CNNM3: variants seen among roughly 807,000 people sequenced by gnomAD.
The protein encoded by CNNM3 is metal transporter CNNM3.
CNNM3 carries 47 observed loss-of-function variants against 57.1 expected under a neutral mutation model. That is an observed-to-expected ratio of 0.82 (90% confidence interval 0.65 to 1.05). CNNM3 has a LOEUF of 1.05. CNNM3 is among the 50% of genes least tolerant of loss of function. CNNM3 has a pLI of 0.00. For missense variants in CNNM3, 957 were observed against 973.7 expected (o/e 0.98, Z 0.23); for synonymous variants, 507 against 478.2 (o/e 1.06, Z -0.79).
intron 2 of CNNM3, 60 bp from the exon 3 acceptor site, chr2:96,826,773 T>C: frequency 6.2e-7 from 1 of 1,600,110 alleles, no homozygotes; most frequent in Admixed American, 1.7e-5. Flanking sequence ...AGCCCCTTAG[T>C]GTGGTCGTGT....
chr2:96,832,622 C>T lies in CNNM3; in HGVS notation c.*6C>T. On this transcript the variant is annotated 3_prime_UTR_variant, in exon 8 of 8. Transcript: ENST00000305510. ...GGCGGAACCCAGGCGTTTAACGGCTCACTAGGCAGCCCCAGATCTGGGGAA... is the reference window on the plus strand; with the variant it reads ...GGCGGAACCCAGGCGTTTAACGGCTTACTAGGCAGCCCCAGATCTGGGGAA... The T allele has an allele frequency of 5.0e-6, 8 of 1,613,302 alleles. No homozygotes were observed. The highest frequency in any genetic ancestry group is 6.8e-6 in the Non-Finnish European group (8 of 1,180,024).
intron 2 of CNNM3, among the ~76,000 whole-genome samples, chr2:96,826,199 CTGT>C (rs1031458237): frequency 1.3e-5 from 2 of 152,034 alleles, no homozygotes; most frequent in South Asian, 2.1e-4. Context: ...GCCAGAGAGG[CTGT>C]TATTATTTTT....
chr2:96,816,517 C>T lies in CNNM3; in HGVS notation c.240C>T (p.Ala80=). ...CCAACAGCTCTTGGTCCTGGGTGGC[C>T]CCGGAGGGGGCGGGCTGCCGGGAGG... is the stretch of plus-strand genomic sequence containing the variant. ...GFANSSWSWV[A]PEGAGCREEA... is the part of the protein sequence containing the mutation. The change falls in exon 1 of 8, where the codon GCC becomes GCT. Residue 80 remains alanine (A), a synonymous_variant. Transcript: ENST00000305510. 1 of 1,394,382 alleles carries T rather than the reference C, an allele frequency of 7.2e-7. No homozygotes were observed. Among genetic ancestry groups the T allele is most frequent in the Non-Finnish European group, 9.3e-7 (1 of 1,072,480 alleles). 86.4% of individuals were successfully genotyped at this position (1,394,382 alleles called of 1,614,324 possible). A position where few individuals can be genotyped will look rare whatever the true frequency, so the allele number is the denominator to read the frequency against.
intron 2 of CNNM3, among the ~76,000 whole-genome samples, chr2:96,826,398 A>G (rs2079505566): frequency 6.6e-6 from 1 of 151,808 alleles, no homozygotes; most frequent in Admixed American, 6.6e-5. Context: ...TTTTTTTGTA[A>G]AGACACGGTC....
In CNNM3 at chr2:96,816,413, G is replaced by T; in HGVS notation, c.136G>T (p.Ala46Ser). The change falls in exon 1 of 8, where the codon GCG becomes TCG. Residue 46 changes from alanine to serine, a missense_variant. Physicochemically the swap from Ala to Ser is moderately conservative, Grantham distance 99 (BLOSUM62 1). Coordinates refer to ENST00000305510, the MANE Select transcript of CNNM3 (RefSeq NM_017623.5). ...CCTGGAGGAGGATGGAGCGGCGGGC[G>T]CGGGTTGGGTACGCGGAGGGGCGGC... ...FCLEEDGAAG[A>S]GWVRGGAARD... The T allele has an allele frequency of 1.5e-6, 2 of 1,376,500 alleles. No homozygotes were observed. Among genetic ancestry groups the T allele is most frequent in the Admixed American group, 3.7e-5 (1 of 26,754 alleles). 85.3% of individuals were successfully genotyped at this position (1,376,500 alleles called of 1,614,324 possible). A position where few individuals can be genotyped will look rare whatever the true frequency, so the allele number is the denominator to read the frequency against.
chr2:96,835,585 C>T (rs908767737), downstream of CNNM3, among the ~76,000 whole-genome samples: 1 of 151,898 alleles, frequency 6.6e-6, no homozygotes, highest in African/African-American at 2.4e-5. Context: ...TCTCCTGCCT[C>T]AGCCTCCCCA....
intron 1 of CNNM3, among the ~76,000 whole-genome samples, chr2:96,823,964 A>C (rs78795472): frequency 0.087 from 13,284 of 152,238 alleles, 1,894 homozygotes; most frequent in African/African-American, 0.3. Context: ...ATGTCTATGA[A>C]TATTTTTTGT....
At chr2:96,825,227 G>T in intron 2 of CNNM3, 26 bp downstream of exon 2, 1 of 1,612,716 alleles carries the variant, frequency 6.2e-7, no homozygotes, top group Non-Finnish European at 8.5e-7. Context: ...TGGCAGTTCT[G>T]TCTCCGCTGG....
At chr2:96,820,736 C>G (rs527766588) in intron 1 of CNNM3, among the ~76,000 whole-genome samples, 1 of 152,140 alleles carries the variant, frequency 6.6e-6, no homozygotes, top group Non-Finnish European at 1.5e-5. Context: ...TGGAAAGGTA[C>G]GAGAACCAAT....
At chr2:96,820,136 C>T (rs1022745633) in intron 1 of CNNM3, among the ~76,000 whole-genome samples, 4 of 152,036 alleles carry the variant, frequency 2.6e-5, no homozygotes, top group African/African-American at 9.7e-5. Flanking sequence ...GGGAGACCAG[C>T]GGTGTGAGGG....
chr2:96,816,382 C>T lies in CNNM3; in HGVS notation c.105C>T (p.Gly35=). The T allele has an allele frequency of 7.4e-7, 1 of 1,350,198 alleles. No individual in the cohort carries two copies. Among genetic ancestry groups the T allele is most frequent in the Non-Finnish European group, 9.5e-7 (1 of 1,052,700 alleles). 83.6% of individuals were successfully genotyped at this position (1,350,198 alleles called of 1,614,324 possible). A position where few individuals can be genotyped will look rare whatever the true frequency, so the allele number is the denominator to read the frequency against. ...CCGCGCCGGGCCCGCGAGTGCTGGG[C>T]TTCTGCCTGGAGGAGGATGGAGCGG... ...GEAAPGPRVL[G]FCLEEDGAAG... is the part of the protein sequence containing the mutation. Residue 35 remains glycine (G), a synonymous_variant, in exon 1 of 8, where the codon GGC becomes GGT. Transcript: ENST00000305510.
rs1020566016 is a variant in CNNM3, at chr2:96,834,372, T to C, written c.*1756T>C. On this transcript the variant is annotated 3_prime_UTR_variant, in exon 8 of 8. Coordinates refer to ENST00000305510, the MANE Select transcript of CNNM3 (RefSeq NM_017623.5). The stretch of plus-strand genomic sequence containing the variant: ...TATTATTATTATTATTGAGACAAGA[T>C]CTTGCTCTGTCGCCCAGACTGGAGT... Among the ~76,000 whole-genome samples the C allele has an allele frequency of 6.6e-6, 1 of 150,804 alleles. No individual in the cohort carries two copies. Among genetic ancestry groups the C allele is most frequent in the African/African-American group, 2.5e-5 (1 of 40,766 alleles).
intron 1 of CNNM3, among the ~76,000 whole-genome samples, chr2:96,820,622 A>G (rs1363880464): frequency 1.3e-5 from 2 of 152,194 alleles, no homozygotes; most frequent in Non-Finnish European, 2.9e-5. Context: ...TTCCCAGGGA[A>G]GGTGAGTGAC....
intron 1 of CNNM3, among the ~76,000 whole-genome samples, chr2:96,822,005 A>ATTATTT (rs1270155431): frequency 1.3e-4 from 18 of 142,406 alleles, no homozygotes; most frequent in African/African-American, 4.5e-4. Flanking sequence ...TATTATTATT[A>ATTATTT]TTTTTTTTTT....
At chr2:96,831,339 TTGG>T (rs1348796526) in intron 7 of CNNM3, among the ~76,000 whole-genome samples, 1 of 152,144 alleles carries the variant, frequency 6.6e-6, no homozygotes, top group Non-Finnish European at 1.5e-5. Context: ...CCTGGAGATT[TTGG>T]TGGGGCACTG....
In CNNM3 at chr2:96,829,057, C is replaced by T. The variant is rs373268251; in HGVS notation, c.1982C>T (p.Ser661Phe). ...LATRAQNLPQSPENTDLQVIP... is the reference protein window; with the variant it reads ...LATRAQNLPQFPENTDLQVIP... Reference sequence around the variant, plus strand: ...ACCCGAGCCCAGAACCTGCCACAGTCCCCTGAGAACACCGACCTGCAGGTT... The same window carrying T: ...ACCCGAGCCCAGAACCTGCCACAGTTCCCTGAGAACACCGACCTGCAGGTT... Residue 661 changes from serine to phenylalanine, a missense_variant, in exon 7 of 8, where the codon TCC (serine) becomes TTC (phenylalanine). Ser to Phe is a radical substitution (Grantham distance 155, BLOSUM62 -2). Around this residue, in one of 2 missense-constraint regions of CNNM3, gnomAD observed 491 missense variants for 570.6 expected, o/e 0.86. Coordinates refer to ENST00000305510, the MANE Select transcript of CNNM3 (RefSeq NM_017623.5). 3.7e-6 allele frequency: 6 copies of T among 1,613,932 alleles called. No homozygotes were observed. In the Admixed American group the frequency reaches 6.7e-5, roughly 18 times the overall value.
At chr2:96,817,527 G>A in intron 1 of CNNM3, 25 bp downstream of exon 1, 1 of 1,586,654 alleles carries the variant, frequency 6.3e-7, no homozygotes, top group South Asian at 1.1e-5. Flanking sequence ...ATGGTGCAGG[G>A]GACGCCCGTG....
Position 96,816,656 on chromosome 2 carries a change from G to T in CNNM3, c.379G>T (p.Ala127Ser). Residue 127 changes from alanine (A) to serine (S), a missense_variant, in exon 1 of 8, where the codon GCG becomes TCG. Coordinates refer to ENST00000305510, the MANE Select transcript of CNNM3 (RefSeq NM_017623.5). ...LAVRVEPGGGAAEEAAPPWAL... is the reference protein window; with the variant it reads ...LAVRVEPGGGSAEEAAPPWAL... ...GGTGCGCGTGGAGCCGGGTGGCGGG[G>T]CGGCTGAGGAGGCGGCGCCGCCCTG... 9.4e-7 allele frequency: 1 copy of T among 1,067,496 alleles called. No individual in the cohort carries two copies. The allele number at this position is 1,067,496 out of a possible 1,614,324, so 66.1% of individuals were successfully genotyped here. A position where few individuals can be genotyped will look rare whatever the true frequency, so the allele number is the denominator to read the frequency against.
At position 96,816,434 on chromosome 2, in the gene CNNM3, G is replaced by A; in HGVS notation, c.157G>A (p.Ala53Thr). 1 of 1,400,440 alleles carries A rather than the reference G, an allele frequency of 7.1e-7. No homozygotes were observed. The allele number at this position is 1,400,440 out of a possible 1,614,324, so 86.8% of individuals were successfully genotyped here. A position where few individuals can be genotyped will look rare whatever the true frequency, so the allele number is the denominator to read the frequency against. ...GGGCGCGGGTTGGGTACGCGGAGGG[G>A]CGGCGCGGGACACGCCGGACGCCAC... Reference protein sequence around the residue: ...AAGAGWVRGGAARDTPDATFL... With the variant: ...AAGAGWVRGGTARDTPDATFL... Residue 53 changes from alanine (A) to threonine (T), a missense_variant, in exon 1 of 8, where the codon GCG becomes ACG. Physicochemically the swap from Ala to Thr is moderately conservative, Grantham distance 58. Transcript: ENST00000305510.
Sources: allele counts gnomAD v4.1 joint callset (sites outside exome capture counted in the v4.1 genomes callset), GRCh38; gene constraint gnomAD v4.1.1; regional missense constraint gnomAD v4.1.1; transcripts MANE v1.5; gene names NCBI Gene and HGNC (gene_info 2026-07-23, HGNC 2026-07-21).